The following THSD7A variants were observed in gnomAD, a reference collection of about 807,000 sequenced individuals.
THSD7A encodes the protein thrombospondin type 1 domain containing 7A.
Under a neutral mutation model 231.3 loss-of-function variants are expected in THSD7A, and 96 were observed. The observed-to-expected ratio is 0.41, with a 90% CI of 0.35 to 0.49. The LOEUF (loss-of-function observed/expected upper bound fraction) is 0.49, where lower values mean the gene tolerates loss of function less well. Among genes scored for constraint, THSD7A ranks in the 20% least tolerant of loss-of-function variants. The pLI, the probability that THSD7A is intolerant of heterozygous loss-of-function variation, is 0.05. For missense variants in THSD7A, 2,290 were observed against 2,070.2 expected, an observed-to-expected ratio of 1.11 and a Z score of -2.06; for synonymous variants, 940 against 743.3, an observed-to-expected ratio of 1.26 and a Z score of -4.30.
At position 11,372,024 on chromosome 7, in the gene THSD7A, A is replaced by C. The variant is rs868634648; in HGVS notation, c.*3770T>G. ...TACAGGTTGTTGGGGGAGGTAAATA[A>C]GTGTGTGAGAGGTCTATTCAATTTC... On this transcript the variant is annotated 3_prime_UTR_variant, in exon 28 of 28. Transcript: ENST00000423059. The C allele has an allele frequency of 6.6e-6, 1 of 151,998 alleles. No homozygotes were observed. Among genetic ancestry groups the C allele is most frequent in the Non-Finnish European group, 1.5e-5 (1 of 68,012 alleles). 9.4% of individuals were successfully genotyped at this position (151,998 alleles called of 1,614,324 possible).
intron 6 of THSD7A, among the ~76,000 whole-genome samples, chr7:11,530,564 T>C (rs1266247390): frequency 6.6e-6 from 1 of 152,116 alleles, no homozygotes; most frequent in Non-Finnish European, 1.5e-5. Flanking sequence ...AATAGTAAAC[T>C]GTAAATGATT....
chr7:11,475,589 GTATATAACATATATATAACA>G (rs979612290), intron 7 of THSD7A, among the ~76,000 whole-genome samples: 118 of 143,948 alleles, frequency 8.2e-4, no homozygotes, highest in African/African-American at 2.4e-3. Flanking sequence ...TAACATATAT[GTATATAACATATATATAACA>G]TATATAACAT....
At chr7:11,619,023 A>C (rs1781215726) in intron 2 of THSD7A, among the ~76,000 whole-genome samples, 1 of 152,114 alleles carries the variant, frequency 6.6e-6, no homozygotes, top group African/African-American at 2.4e-5. Context: ...TAATTAAAAA[A>C]GTCTATTTCC....
chr7:11,762,081 T>C (rs916058258), intron 1 of THSD7A, among the ~76,000 whole-genome samples: 4 of 152,206 alleles, frequency 2.6e-5, no homozygotes, highest in Admixed American at 2.0e-4. Flanking sequence ...AGGCCATAAT[T>C]CCATGCTTTT....
At chr7:11,781,734 T>C (rs1407938228) in intron 1 of THSD7A, among the ~76,000 whole-genome samples, 4 of 152,244 alleles carry the variant, frequency 2.6e-5, no homozygotes, top group Admixed American at 2.0e-4. Context: ...GTATTTGGCT[T>C]TATATTGATA....
At chr7:11,413,268 T>C (rs1044066485) in intron 17 of THSD7A, among the ~76,000 whole-genome samples, 1 of 152,030 alleles carries the variant, frequency 6.6e-6, no homozygotes, top group Non-Finnish European at 1.5e-5. Flanking sequence ...TTCTAAATCC[T>C]AATTTTAATT....
At chr7:11,671,929 G>C (rs1396964590) in intron 1 of THSD7A, among the ~76,000 whole-genome samples, 3 of 152,018 alleles carry the variant, frequency 2.0e-5, no homozygotes, top group Middle Eastern at 3.2e-3. Context: ...TATTAAGAAA[G>C]AACATTTATT....
At chr7:11,733,344 T>C (rs1781801241) in intron 1 of THSD7A, among the ~76,000 whole-genome samples, 1 of 151,930 alleles carries the variant, frequency 6.6e-6, no homozygotes, top group South Asian at 2.1e-4. Flanking sequence ...CAGTGGTCAA[T>C]ACATCATTAT....
At chr7:11,745,478 G>T (rs1224586161) in intron 1 of THSD7A, among the ~76,000 whole-genome samples, 1 of 151,996 alleles carries the variant, frequency 6.6e-6, no homozygotes, top group Non-Finnish European at 1.5e-5. Context: ...TTTGGCTTTT[G>T]TTGCCCTTGC....
At chr7:11,698,691 T>C (rs543593280) in intron 1 of THSD7A, among the ~76,000 whole-genome samples, 86 of 151,482 alleles carry the variant, frequency 5.7e-4, no homozygotes, top group Non-Finnish European at 9.6e-4. Flanking sequence ...TCTGGGCTGA[T>C]TCTACTTAGG....
chr7:11,617,894 A>G (rs573511217), intron 2 of THSD7A, among the ~76,000 whole-genome samples: 1 of 152,282 alleles, frequency 6.6e-6, no homozygotes, highest in South Asian at 2.1e-4. Context: ...GTAAATGACA[A>G]GTTAATGGGT....
At chr7:11,476,403 T>C (rs1351730012) in intron 7 of THSD7A, among the ~76,000 whole-genome samples, 1 of 151,074 alleles carries the variant, frequency 6.6e-6, no homozygotes, top group Non-Finnish European at 1.5e-5. Context: ...CCTTCTCCAG[T>C]ACATTAACTA....
At chr7:11,712,981 T>C (rs1031112548) in intron 1 of THSD7A, among the ~76,000 whole-genome samples, 5 of 151,164 alleles carry the variant, frequency 3.3e-5, no homozygotes, top group Admixed American at 2.0e-4. Context: ...TCTTTTTTAC[T>C]TCCATGGTAC....
rs150832571 is a variant in THSD7A at position 11,547,436 on chromosome 7, A to G, written c.1454-4319T>C. On this transcript the variant is annotated intron_variant, in intron 4 of 27. Transcript: ENST00000423059. ...CATGCAATGACGCTCATAGGCTCAA[A>G]GTAAAAGGATGGAGAAAACTAACAG... Among the ~76,000 whole-genome samples, 12 of 152,324 alleles carry G rather than the reference A, an allele frequency of 7.9e-5. No homozygotes were observed. In the East Asian group the frequency reaches 2.3e-3, roughly 29 times the overall value.
chr7:11,663,668 C>T (rs1489587043), intron 1 of THSD7A, among the ~76,000 whole-genome samples: 2 of 151,384 alleles, frequency 1.3e-5, no homozygotes, highest in African/African-American at 4.8e-5. Context: ...AAAGCCAATA[C>T]AATACATCAA....
chr7:11,681,265 G>A (rs1783858428), intron 1 of THSD7A, among the ~76,000 whole-genome samples: 1 of 151,920 alleles, frequency 6.6e-6, no homozygotes, highest in South Asian at 2.1e-4. Context: ...ATGGGTTGAT[G>A]GGTGCAGCAA....
At chr7:11,706,675 G>A (rs1780780125) in intron 1 of THSD7A, among the ~76,000 whole-genome samples, 2 of 117,966 alleles carry the variant, frequency 1.7e-5, no homozygotes, top group South Asian at 2.6e-4. Context: ...CAACTGCCTA[G>A]CAAGAACACA....
Position 11,637,012 on chromosome 7 carries a change from A to G in THSD7A, c.191-51T>C. ...AGCAGTGCTACTAGAAGAAAACTACAAGTTACTGCACATTCCAGAAAGACC... is the reference window on the plus strand; with the variant it reads ...AGCAGTGCTACTAGAAGAAAACTACGAGTTACTGCACATTCCAGAAAGACC... On this transcript the variant is annotated intron_variant, in intron 1 of 27. Transcript: ENST00000423059. This position sits in a 1 kb window ranked among gnomAD's most constrained non-coding sequence, Gnocchi z 4.2. The G allele has an allele frequency of 6.6e-7, 1 of 1,506,188 alleles. No homozygotes were observed. The highest frequency in any genetic ancestry group is 9.0e-7 in the Non-Finnish European group (1 of 1,116,224). The allele number at this position is 1,506,188 out of a possible 1,614,324, so 93.3% of individuals were successfully genotyped here. A position where few individuals can be genotyped will look rare whatever the true frequency, so the allele number is the denominator to read the frequency against.
chr7:11,513,625 G>A (rs1787909245), intron 6 of THSD7A, among the ~76,000 whole-genome samples: 1 of 152,082 alleles, frequency 6.6e-6, no homozygotes, highest in Non-Finnish European at 1.5e-5. Context: ...ACAGAGCAGT[G>A]GTTGCCATGG....
Sources: allele counts gnomAD v4.1 joint callset (sites outside exome capture counted in the v4.1 genomes callset), GRCh38; gene constraint gnomAD v4.1.1; non-coding constraint Gnocchi (gnomAD v3.1); transcripts MANE v1.5; gene names NCBI Gene and HGNC (gene_info 2026-07-23, HGNC 2026-07-21).